Variants in CLPB observed in about 807,000 individuals in gnomAD.
The protein encoded by CLPB is mitochondrial disaggregase.
A neutral mutation model predicts 78.4 loss-of-function variants in CLPB; 40 were observed. The observed-to-expected ratio is 0.51, with a 90% CI of 0.40 to 0.66. CLPB has a LOEUF of 0.66. Among genes scored for constraint, CLPB ranks in the 30% least tolerant of loss-of-function variants. The pLI, the probability that CLPB is intolerant of heterozygous loss-of-function variation, is 0.00. For synonymous variants in CLPB, 333 were observed against 348.0 expected (o/e 0.96, Z 0.48); for missense variants, 780 against 886.9 (o/e 0.88, Z 1.53).
intron 6 of CLPB, among the ~76,000 whole-genome samples, chr11:72,326,196 A>G (rs1215523808): frequency 2.0e-5 from 3 of 152,210 alleles, no homozygotes; most frequent in Admixed American, 6.5e-5. Flanking sequence ...CATTGTTATA[A>G]TTAATTAAAA....
intron 6 of CLPB, among the ~76,000 whole-genome samples, chr11:72,326,813 CT>C (rs1179901877): frequency 6.6e-6 from 1 of 151,738 alleles, no homozygotes; most frequent in Non-Finnish European, 1.5e-5. Context: ...CCACAAAAGC[CT>C]GCCTCACAAT....
chr11:72,295,205 G>C (rs1949528379), intron 12 of CLPB, among the ~76,000 whole-genome samples: 1 of 152,178 alleles, frequency 6.6e-6, no homozygotes, highest in African/African-American at 2.4e-5. Context: ...AGTCCCCTAA[G>C]ACACTGAGCA....
chr11:72,330,354 C>A (rs1423786661), intron 5 of CLPB, among the ~76,000 whole-genome samples: 3 of 152,236 alleles, frequency 2.0e-5, no homozygotes, highest in African/African-American at 7.2e-5. Flanking sequence ...CCTGTCTATG[C>A]CACTCTGGCT....
At chr11:72,348,227 G>A (rs1392233904) in intron 5 of CLPB, among the ~76,000 whole-genome samples, 1 of 152,208 alleles carries the variant, frequency 6.6e-6, no homozygotes, top group African/African-American at 2.4e-5. Flanking sequence ...CCTTTCCACT[G>A]CATGTCTTCT....
At chr11:72,360,266 C>T (rs1950810170) in intron 4 of CLPB, among the ~76,000 whole-genome samples, 1 of 152,222 alleles carries the variant, frequency 6.6e-6, no homozygotes, top group Non-Finnish European at 1.5e-5. Context: ...TCTTACCTCT[C>T]ACTGGATAAA....
intron 5 of CLPB, chr11:72,357,046 G>A (rs765272660): frequency 1.3e-4 from 20 of 152,162 alleles, no homozygotes; most frequent in Admixed American, 2.0e-4. Flanking sequence ...GCAAGTTCTC[G>A]CTCCAGAAGC....
At chr11:72,359,286 G>A (rs1950788954) in intron 4 of CLPB, 1 of 567,976 alleles carries the variant, frequency 1.8e-6, no homozygotes, top group African/African-American at 1.8e-5. Flanking sequence ...TGACAAGGGA[G>A]GCAGACAATA....
intron 5 of CLPB, among the ~76,000 whole-genome samples, chr11:72,358,547 A>G (rs531764839): frequency 6.6e-6 from 1 of 152,088 alleles, no homozygotes; most frequent in Non-Finnish European, 1.5e-5. Context: ...GAACACTTTT[A>G]GGGATAGCAA....
intron 6 of CLPB, among the ~76,000 whole-genome samples, chr11:72,317,927 A>C (rs1949977898): frequency 6.6e-6 from 1 of 152,218 alleles, no homozygotes; most frequent in African/African-American, 2.4e-5. Context: ...GGTTGCCCGC[A>C]CAGAAGAGGA....
intron 3 of CLPB, among the ~76,000 whole-genome samples, chr11:72,387,492 A>C (rs528992228): frequency 6.6e-6 from 1 of 150,568 alleles, no homozygotes; most frequent in Admixed American, 6.6e-5. Context: ...TTTTATAACA[A>C]GCACAGAGAG....
chr11:72,310,498 T>C (rs1234716197), intron 7 of CLPB, among the ~76,000 whole-genome samples: 1 of 151,602 alleles, frequency 6.6e-6, no homozygotes, highest in African/African-American at 2.4e-5. Context: ...AAGCGGGGAG[T>C]CCCTGGTGTC....
intron 1 of CLPB, among the ~76,000 whole-genome samples, chr11:72,433,565 A>G (rs1186272410): frequency 1.3e-5 from 2 of 150,632 alleles, no homozygotes; most frequent in Non-Finnish European, 3.0e-5. Context: ...ATAAATAAAT[A>G]AATAAATAAA....
At chr11:72,356,216 T>A (rs1279260490) in intron 5 of CLPB, among the ~76,000 whole-genome samples, 3 of 150,660 alleles carry the variant, frequency 2.0e-5, no homozygotes, top group African/African-American at 7.3e-5. Flanking sequence ...AGGCGGAGGT[T>A]GTGGCAAGCC....
chr11:72,332,019 G>A (rs1238944343), intron 5 of CLPB, among the ~76,000 whole-genome samples: 1 of 152,162 alleles, frequency 6.6e-6, no homozygotes, highest in East Asian at 1.9e-4. Flanking sequence ...GAAGGGGCAG[G>A]CCATAGGAAA....
intron 6 of CLPB, among the ~76,000 whole-genome samples, chr11:72,318,687 A>G (rs557900712): frequency 6.6e-6 from 1 of 152,334 alleles, no homozygotes; most frequent in African/African-American, 2.4e-5. Context: ...AAAAATAAAT[A>G]GCAAACAATC....
At chr11:72,308,642 A>G in intron 7 of CLPB, 38 bp from the exon 8 acceptor site, 2 of 1,559,830 alleles carry the variant, frequency 1.3e-6, no homozygotes, top group South Asian at 1.1e-5. Flanking sequence ...ACAGGGAGGG[A>G]GGCAGATAAA....
intron 5 of CLPB, among the ~76,000 whole-genome samples, chr11:72,357,699 A>G (rs1950745702): frequency 7.3e-6 from 1 of 136,642 alleles, no homozygotes; most frequent in Non-Finnish European, 1.6e-5. Flanking sequence ...TCCGTGTCCC[A>G]GAAAAAAAAA....
chr11:72,404,658 A>G (rs930118160), intron 2 of CLPB, among the ~76,000 whole-genome samples: 1 of 152,168 alleles, frequency 6.6e-6, no homozygotes, highest in Non-Finnish European at 1.5e-5. Context: ...GTGCTGATAA[A>G]GGGGAACTGG....
intron 3 of CLPB, among the ~76,000 whole-genome samples, chr11:72,389,754 T>C (rs1421094452): frequency 6.6e-6 from 1 of 152,024 alleles, no homozygotes; most frequent in Non-Finnish European, 1.5e-5. Context: ...AGTGAGATCC[T>C]GTCACTTAAA....
Sources: gnomAD v4.1 joint callset for allele counts (sites outside exome capture counted in the v4.1 genomes callset) on GRCh38, gnomAD v4.1.1 for gene constraint, MANE v1.5 for transcripts, NCBI Gene and HGNC (gene_info 2026-07-23, HGNC 2026-07-21) for gene names.